Variants in FBXL7 observed in about 807,000 individuals in gnomAD.
The protein encoded by FBXL7 is F-box and leucine rich repeat protein 7.
FBXL7 carries 12 observed loss-of-function variants against 38.3 expected under a neutral mutation model. The observed-to-expected ratio is 0.31, with a 90% CI of 0.20 to 0.51. The LOEUF (loss-of-function observed/expected upper bound fraction) is 0.51, where lower values mean the gene tolerates loss of function less well. Among genes scored for constraint, FBXL7 ranks in the 20% least tolerant of loss-of-function variants. The pLI, the probability that FBXL7 is intolerant of heterozygous loss-of-function variation, is 0.98. For synonymous variants in FBXL7, 297 were observed against 300.9 expected (o/e 0.99, Z 0.13); for missense variants, 567 against 676.4 (o/e 0.84, Z 1.79).
chr5:15,904,783 A>T (rs1001011745), intron 2 of FBXL7, among the ~76,000 whole-genome samples: 1 of 152,136 alleles, frequency 6.6e-6, no homozygotes, highest in Non-Finnish European at 1.5e-5. Context: ...GAAAAATGTT[A>T]AAAGTACTAA....
chr5:15,723,256 T>G (rs907805828), intron 2 of FBXL7, among the ~76,000 whole-genome samples: 25 of 152,318 alleles, frequency 1.6e-4, no homozygotes, highest in African/African-American at 6.0e-4. Flanking sequence ...GGAAATTCAC[T>G]ATTTGTCAGA....
In FBXL7 at chr5:15,500,694, C is replaced by T. The variant is rs775562986; in HGVS notation, c.18C>T (p.Gly6=). The T allele has an allele frequency of 1.3e-5, 21 of 1,611,498 alleles. No homozygotes were observed. The South Asian group carries it at 2.1e-4, about 16-fold the overall frequency. Reference sequence around the variant, plus strand: ...GCTACAGGATGGGCGCGAACAATGGCAAACAGTACGGCAGTGAGGGTGAGT... The same window carrying T: ...GCTACAGGATGGGCGCGAACAATGGTAAACAGTACGGCAGTGAGGGTGAGT... MGANN[G]KQYGSEGKGS... The change falls in exon 1 of 4, where the codon GGC becomes GGT. Residue 6 remains glycine, a synonymous_variant. Coordinates refer to ENST00000504595, the MANE Select transcript of FBXL7 (RefSeq NM_012304.5).
At position 15,936,197 on chromosome 5, in the gene FBXL7, T is replaced by G. The variant is rs1265713472; in HGVS notation, c.740-253T>G. On this transcript the variant is annotated intron_variant, in intron 3 of 3. Transcript: ENST00000504595. The surrounding 1 kb of genome is among the most constrained non-coding windows in gnomAD (Gnocchi z 6.0). Reference sequence around the variant, plus strand: ...CAGGCAAGTAGGGACAGATGACAGATCAGGAATTGGAACCATGGTTTTTCT... The same window carrying G: ...CAGGCAAGTAGGGACAGATGACAGAGCAGGAATTGGAACCATGGTTTTTCT... Among the ~76,000 whole-genome samples the G allele has an allele frequency of 6.6e-6, 1 of 152,218 alleles. No homozygotes were observed. The highest frequency in any genetic ancestry group is 1.5e-5 in the Non-Finnish European group (1 of 68,036).
chr5:15,749,244 CA>C lies in FBXL7; in HGVS notation c.127+133196del, dbSNP rs70938027. On this transcript the variant is annotated intron_variant, in intron 2 of 3. Transcript: ENST00000504595. ...TGGCCAACAGAGTGAGACTCTGTCTCAAAAAAAAAAAAAAAAAAAAAAAATT... is the reference window on the plus strand; with the variant it reads ...TGGCCAACAGAGTGAGACTCTGTCTCAAAAAAAAAAAAAAAAAAAAAAATT... Among the ~76,000 whole-genome samples the C allele has an allele frequency of 6.8e-3, 479 of 70,058 alleles. 3 individuals are homozygous for C. The highest frequency in any genetic ancestry group is 0.018 in the Admixed American group (100 of 5,516). 46.0% of individuals were successfully genotyped at this position (70,058 alleles called of 152,430 possible). A position where few individuals can be genotyped will look rare whatever the true frequency, so the allele number is the denominator to read the frequency against.
intron 2 of FBXL7, among the ~76,000 whole-genome samples, chr5:15,766,405 G>A (rs935423674): frequency 6.6e-6 from 1 of 152,134 alleles, no homozygotes; most frequent in Non-Finnish European, 1.5e-5. Context: ...CCGTAGACAG[G>A]GATTCTTATA....
At chr5:15,507,645 C>G (rs1030625584) in intron 1 of FBXL7, among the ~76,000 whole-genome samples, 1 of 152,078 alleles carries the variant, frequency 6.6e-6, no homozygotes, top group African/African-American at 2.4e-5. Flanking sequence ...GGAATAAAAT[C>G]TAGAGTGAAT....
intron 1 of FBXL7, among the ~76,000 whole-genome samples, chr5:15,540,796 A>C (rs185014227): frequency 1.9e-3 from 282 of 152,208 alleles, no homozygotes; most frequent in Non-Finnish European, 3.4e-3. Context: ...AAATAGGATG[A>C]GAGAGAGCTC....
chr5:15,512,838 T>G (rs998219117), intron 1 of FBXL7, among the ~76,000 whole-genome samples: 1 of 152,216 alleles, frequency 6.6e-6, no homozygotes. Context: ...TAGTATTTGT[T>G]TTATCTGACT....
At chr5:15,540,520 T>C (rs1220041358) in intron 1 of FBXL7, among the ~76,000 whole-genome samples, 3 of 152,166 alleles carry the variant, frequency 2.0e-5, no homozygotes, top group African/African-American at 7.2e-5. Flanking sequence ...GGGGTAAAAT[T>C]CTATGCAGTG....
At chr5:15,790,464 T>C (rs1737245400) in intron 2 of FBXL7, among the ~76,000 whole-genome samples, 2 of 152,166 alleles carry the variant, frequency 1.3e-5, no homozygotes, top group South Asian at 4.1e-4. Flanking sequence ...CCTGGCGAAT[T>C]CTTCCTGCTA....
At chr5:15,635,627 G>A (rs1160522007) in intron 2 of FBXL7, among the ~76,000 whole-genome samples, 1 of 152,172 alleles carries the variant, frequency 6.6e-6, no homozygotes, top group East Asian at 1.9e-4. Context: ...AGAGCTGGAG[G>A]GAGCTTAGGG....
intron 1 of FBXL7, among the ~76,000 whole-genome samples, chr5:15,613,082 A>G (rs1167150493): frequency 1.3e-5 from 2 of 152,222 alleles, no homozygotes; most frequent in East Asian, 1.9e-4. Flanking sequence ...AAGCAACAAT[A>G]TAATAAAAAT....
At chr5:15,847,419 T>G (rs1199796829) in intron 2 of FBXL7, among the ~76,000 whole-genome samples, 2 of 152,140 alleles carry the variant, frequency 1.3e-5, no homozygotes, top group Non-Finnish European at 2.9e-5. Flanking sequence ...ACCCCCATGA[T>G]TTGATTACCT....
At position 15,845,798 on chromosome 5, in the gene FBXL7, C is replaced by T. The variant is rs895674948; in HGVS notation, c.128-82092C>T. Reference sequence around the variant, plus strand: ...CATCCTGGCTAACACGGTGAAACCCCGTCTCTAGTAAAAATACAAAAAATT... The same window carrying T: ...CATCCTGGCTAACACGGTGAAACCCTGTCTCTAGTAAAAATACAAAAAATT... On this transcript the variant is annotated intron_variant, in intron 2 of 3. Coordinates refer to ENST00000504595, the MANE Select transcript of FBXL7 (RefSeq NM_012304.5). Among the ~76,000 whole-genome samples the T allele has an allele frequency of 5.3e-5, 8 of 152,068 alleles. No individual in the cohort carries two copies. In the East Asian group the frequency reaches 1.4e-3, roughly 26 times the overall value.
intron 2 of FBXL7, among the ~76,000 whole-genome samples, chr5:15,676,662 G>A (rs918099463): frequency 1.9e-4 from 29 of 152,314 alleles, no homozygotes; most frequent in African/African-American, 6.7e-4. Flanking sequence ...TGTGTTGAGA[G>A]GGCATCTAGC....
chr5:15,746,359 C>G (rs1337389332), intron 2 of FBXL7, among the ~76,000 whole-genome samples: 1 of 152,142 alleles, frequency 6.6e-6, no homozygotes, highest in African/African-American at 2.4e-5. Flanking sequence ...TGGATGCTGG[C>G]TATATATAGA....
chr5:15,568,980 T>A (rs1316837224), intron 1 of FBXL7, among the ~76,000 whole-genome samples: 1 of 152,210 alleles, frequency 6.6e-6, no homozygotes, highest in African/African-American at 2.4e-5. Context: ...CCCTGCTGTT[T>A]TTGTTACTAT....
chr5:15,667,712 A>C (rs1742331380), intron 2 of FBXL7, among the ~76,000 whole-genome samples: 1 of 152,060 alleles, frequency 6.6e-6, no homozygotes, highest in African/African-American at 2.4e-5. Context: ...CATTCACCCT[A>C]TCTTGTAGGC....
chr5:15,719,403 A>G (rs888302877), intron 2 of FBXL7, among the ~76,000 whole-genome samples: 1 of 149,684 alleles, frequency 6.7e-6, no homozygotes, highest in African/African-American at 2.4e-5. Flanking sequence ...CCTATTTATA[A>G]TATTATTTGA....
Sources: allele counts gnomAD v4.1 joint callset (sites outside exome capture counted in the v4.1 genomes callset), GRCh38; gene constraint gnomAD v4.1.1; non-coding constraint Gnocchi (gnomAD v3.1); transcripts MANE v1.5; gene names NCBI Gene and HGNC (gene_info 2026-07-23, HGNC 2026-07-21).